The following NUP205 variants were observed in gnomAD, a reference collection of about 807,000 sequenced individuals.
The protein encoded by NUP205 is nuclear pore complex protein Nup205.
In NUP205, 76 loss-of-function variants were observed where a neutral mutation model predicts 253.8. That is an observed-to-expected ratio of 0.30 (90% confidence interval 0.25 to 0.36). The LOEUF is 0.36. Ranked by LOEUF, NUP205 falls within the 10% of genes least tolerant of loss-of-function variation. The pLI is 1.00. For synonymous variants in NUP205, 832 were observed against 850.1 expected (o/e 0.98, Z 0.37); for missense variants, 2,162 against 2,425.5 (o/e 0.89, Z 2.28).
chr7:135,561,379 A>G (rs1805576427), intron 1 of NUP205, among the ~76,000 whole-genome samples: 1 of 152,084 alleles, frequency 6.6e-6, no homozygotes, highest in Admixed American at 6.6e-5. Context: ...AAAAAAACCT[A>G]TGCTTGTATT....
At chr7:135,567,488 T>G (rs2129489616) in intron 1 of NUP205, among the ~76,000 whole-genome samples, 1 of 147,644 alleles carries the variant, frequency 6.8e-6, no homozygotes, top group East Asian at 2.0e-4. Context: ...TGCATACCTG[T>G]AGTCCCAGCT....
chr7:135,624,625 C>T lies in NUP205; in HGVS notation c.4480-539C>T, dbSNP rs560791978. Among the ~76,000 whole-genome samples, 4 of 152,194 alleles carry T rather than the reference C, an allele frequency of 2.6e-5. No homozygotes were observed. The East Asian group carries it at 7.7e-4, about 29-fold the overall frequency. On this transcript the variant is annotated intron_variant, in intron 31 of 42. Transcript: ENST00000285968. ...AACTCCTGACCTCGTGATCCACCCG[C>T]CTTGGCCTCCCAAAATGCTGGGATT...
At position 135,578,821 on chromosome 7, in the gene NUP205, C is replaced by T. The variant is rs774131853; in HGVS notation, c.948C>T (p.Asp316=). 1 of 1,612,352 alleles carries T rather than the reference C, an allele frequency of 6.2e-7. No homozygotes were observed. The highest frequency in any genetic ancestry group is 8.5e-7 in the Non-Finnish European group (1 of 1,179,370). The change falls in exon 7 of 43, where the codon GAC becomes GAT. Residue 316 remains aspartate, a synonymous_variant. Coordinates refer to ENST00000285968, the MANE Select transcript of NUP205 (RefSeq NM_015135.3). ...CAACAATTCACTCTCGTCTTCAGGA[C>T]TCACAGCTTTGGAAACTGCCTGGGC... ...YIATIHSRLQ[D]SQLWKLPGLQ...
Position 135,573,871 on chromosome 7 carries a change from A to G in NUP205, c.343+46A>G, listed in dbSNP as rs375194395. On this transcript the variant is annotated intron_variant, in intron 3 of 42. Transcript: ENST00000285968. ...AACAGTGGTAAAATAATGCAAAATT[A>G]TAAAATCACTCATAGTTTAAAATAG... 671 of 1,416,460 alleles carry G rather than the reference A, an allele frequency of 4.7e-4. 9 individuals carry two copies. The South Asian group carries it at 5.3e-3, about 11-fold the overall frequency. The allele number at this position is 1,416,460 out of a possible 1,614,324, so 87.7% of individuals were successfully genotyped here.
chr7:135,625,059 A>C (rs1364697039), intron 31 of NUP205, 105 bp from the exon 32 acceptor site: 31 of 970,532 alleles, frequency 3.2e-5, no homozygotes, highest in Non-Finnish European at 4.3e-5. Flanking sequence ...TCTCTTTATG[A>C]AAAACATTCT....
At chr7:135,578,069 A>G in intron 6 of NUP205, 45 bp downstream of exon 6, 2 of 1,397,050 alleles carry the variant, frequency 1.4e-6, no homozygotes, top group Non-Finnish European at 2.0e-6. Flanking sequence ...AATCAGATTT[A>G]AAATTGTGGG....
chr7:135,560,709 G>A (rs1805559427), intron 1 of NUP205, among the ~76,000 whole-genome samples: 1 of 152,152 alleles, frequency 6.6e-6, no homozygotes, highest in African/African-American at 2.4e-5. Context: ...GACATACTAA[G>A]TGAAATAAGC....
chr7:135,566,993 C>T (rs149509037), intron 1 of NUP205, among the ~76,000 whole-genome samples: 3,805 of 151,198 alleles, frequency 0.025, 81 homozygotes, highest in South Asian at 0.078. Flanking sequence ...CCCACCTCGG[C>T]TTCCCAAAGT....
chr7:135,560,374 C>T (rs1401927024), intron 1 of NUP205, among the ~76,000 whole-genome samples: 21 of 152,114 alleles, frequency 1.4e-4, no homozygotes, highest in Admixed American at 1.4e-3. Flanking sequence ...AAGGAGTTGC[C>T]AACAGCAGCA....
chr7:135,562,545 CTTTT>C (rs34482653), intron 1 of NUP205, among the ~76,000 whole-genome samples: 7 of 97,408 alleles, frequency 7.2e-5, no homozygotes, highest in South Asian at 3.8e-4. Flanking sequence ...GACCAAAATC[CTTTT>C]TTTTTTTTTT....
intron 11 of NUP205, among the ~76,000 whole-genome samples, chr7:135,592,618 G>T (rs1327633818): frequency 1.3e-5 from 2 of 152,198 alleles, no homozygotes; most frequent in African/African-American, 4.8e-5. Context: ...TGGGTGCAGT[G>T]GCTCATGCCT....
chr7:135,594,057 A>G (rs1293834260), intron 12 of NUP205, among the ~76,000 whole-genome samples: 3 of 152,176 alleles, frequency 2.0e-5, no homozygotes, highest in Non-Finnish European at 2.9e-5. Context: ...TTGTATACAT[A>G]TATCAAAATA....
chr7:135,619,672 G>A lies in NUP205; in HGVS notation c.4213G>A (p.Asp1405Asn), dbSNP rs2129491404. 6.2e-7 allele frequency: 1 copy of A among 1,612,274 alleles called. No homozygotes were observed. The change falls in exon 29 of 43, where the codon GAC becomes AAC. Residue 1405 changes from aspartate (D) to asparagine (N), a missense_variant. Around this residue, in one of 5 missense-constraint regions of NUP205, gnomAD observed 1,144 missense variants for 1,280.9 expected, o/e 0.89. Transcript: ENST00000285968. ...TTACATCATATTGAAGAAACTGTTA[G>A]ACTTCATTTTGAAGACAGGTTTTTT... ...SLYIILKKLL[D>N]FILKTGGGFQ...
chr7:135,584,670 G>A (rs1806407374), intron 7 of NUP205, among the ~76,000 whole-genome samples, 162 bp from the exon 8 acceptor site: 1 of 152,168 alleles, frequency 6.6e-6, no homozygotes, highest in Non-Finnish European at 1.5e-5. Flanking sequence ...GTTCTTTAGG[G>A]TTTATGAGTC....
Position 135,584,877 on chromosome 7 carries a change from CAA to C in NUP205, c.1089_1090del (p.Ile364CysfsTer2). The C allele has an allele frequency of 1.2e-6, 2 of 1,614,038 alleles. No individual in the cohort carries two copies. The highest frequency in any genetic ancestry group is 1.7e-6 in the Non-Finnish European group (2 of 1,179,948). On this transcript the variant is annotated frameshift_variant, in exon 8 of 43. Coordinates refer to ENST00000285968, the MANE Select transcript of NUP205 (RefSeq NM_015135.3). LOFTEE classifies it high-confidence loss of function. ...GCAGATGAAGCAATGGCAGAACTCG[CAA>C]TTGCTGACAACGTTTTCCTGTTCCT...
At chr7:135,645,425 T>C in intron 40 of NUP205, 43 bp from the exon 41 acceptor site, 1 of 1,596,618 alleles carries the variant, frequency 6.3e-7, no homozygotes, top group Non-Finnish European at 8.5e-7. Context: ...GTGTAAAACA[T>C]ATTTGATGAG....
Position 135,648,595 on chromosome 7 carries a change from G to T in NUP205, c.*39G>T. The T allele has an allele frequency of 2.1e-6, 3 of 1,397,132 alleles. No homozygotes were observed. The highest frequency in any genetic ancestry group is 2.8e-5 in the Admixed American group (1 of 35,696). 86.5% of individuals were successfully genotyped at this position (1,397,132 alleles called of 1,614,324 possible). On this transcript the variant is annotated 3_prime_UTR_variant, in exon 43 of 43. Coordinates refer to ENST00000285968, the MANE Select transcript of NUP205 (RefSeq NM_015135.3). ...TGCTCTTCTATGAGAGAGATGAATT[G>T]GGGAGAATTGTCTCCATTTTATAGA... is the stretch of plus-strand genomic sequence containing the variant.
chr7:135,582,269 A>G (rs1281708185), intron 7 of NUP205, among the ~76,000 whole-genome samples: 4 of 152,228 alleles, frequency 2.6e-5, no homozygotes, highest in Admixed American at 2.6e-4. Context: ...TGGGCAGCAG[A>G]GTAAGACTCT....
rs750715383 is a variant in NUP205 at position 135,604,399 on chromosome 7, G to C, written c.2762G>C (p.Cys921Ser). The change falls in exon 19 of 43, where the codon TGT (cysteine) becomes TCT (serine). Residue 921 changes from cysteine to serine, a missense_variant. By Grantham distance (112) the Cys-to-Ser change is moderately radical (BLOSUM62 -1). Transcript: ENST00000285968. ...ELAFESAKIL[C>S]CISCNSNIQI... ...GCTTTTGAAAGTGCCAAGATCCTCT[G>C]TTGTATCTCTTGCAACTCTAATATT... The C allele has an allele frequency of 2.5e-6, 4 of 1,612,848 alleles. No individual in the cohort carries two copies. The highest frequency in any genetic ancestry group is 3.4e-6 in the Non-Finnish European group (4 of 1,179,090).
Sources: gnomAD v4.1 joint callset for allele counts (sites outside exome capture counted in the v4.1 genomes callset) on GRCh38, gnomAD v4.1.1 for gene constraint, gnomAD v4.1.1 regional missense constraint, MANE v1.5 for transcripts, NCBI Gene and HGNC (gene_info 2026-07-23, HGNC 2026-07-21) for gene names.